Variants in TMEM232 observed in about 807,000 individuals in gnomAD.
The protein encoded by TMEM232 is transmembrane protein 232.
In TMEM232, 80 loss-of-function variants were observed where a neutral mutation model predicts 78.8. That is an observed-to-expected ratio of 1.01 (90% confidence interval 0.85 to 1.22). The LOEUF (loss-of-function observed/expected upper bound fraction) is 1.22, where lower values mean the gene tolerates loss of function less well. Among genes scored for constraint, TMEM232 ranks in the 50% most tolerant of loss-of-function variants. The pLI is 0.00. For synonymous variants in TMEM232, 297 were observed against 254.3 expected (o/e 1.17, Z -1.60); for missense variants, 881 against 742.2 (o/e 1.19, Z -2.17).
chr5:110,516,357 C>T (rs1003298675), intron 12 of TMEM232, among the ~76,000 whole-genome samples: 5 of 152,046 alleles, frequency 3.3e-5, no homozygotes, highest in African/African-American at 9.7e-5. Context: ...TTTAGAGATT[C>T]GAGGCATAAG....
chr5:110,655,025 A>C (rs182921245), intron 2 of TMEM232, among the ~76,000 whole-genome samples: 3,679 of 152,276 alleles, frequency 0.024, 46 homozygotes, highest in African/African-American at 0.032. Context: ...CACCAAAAGC[A>C]ATGGTAACAA....
chr5:110,687,606 C>T (rs913066381), intron 1 of TMEM232, among the ~76,000 whole-genome samples: 1 of 151,920 alleles, frequency 6.6e-6, no homozygotes, highest in East Asian at 1.9e-4. Context: ...TGAGTATATG[C>T]TTTATATTTA....
intron 10 of TMEM232, among the ~76,000 whole-genome samples, chr5:110,573,838 A>G (rs1777244336): frequency 1.3e-5 from 2 of 152,068 alleles, no homozygotes. Flanking sequence ...TTGAACCTAG[A>G]ATAGCTTGCT....
chr5:110,460,292 AGTGT>A (rs112235101), intron 12 of TMEM232, among the ~76,000 whole-genome samples: 15 of 149,492 alleles, frequency 1.0e-4, no homozygotes, highest in East Asian at 7.8e-4. Context: ...TGTATAAGTA[AGTGT>A]GTGTGTGTGT....
At chr5:110,720,890 TAA>T (rs575756037) in intron 1 of TMEM232, 4 of 151,972 alleles carry the variant, frequency 2.6e-5, no homozygotes, top group South Asian at 2.1e-4. Flanking sequence ...AAAATAAATA[TAA>T]GAGAAAATTA....
At chr5:110,438,731 C>T (rs1246833935) in intron 12 of TMEM232, among the ~76,000 whole-genome samples, 4 of 152,074 alleles carry the variant, frequency 2.6e-5, no homozygotes, top group Non-Finnish European at 5.9e-5. Flanking sequence ...TCCTCCCCTA[C>T]AACTCAGTTC....
At chr5:110,460,273 T>G (rs1180863315) in intron 12 of TMEM232, among the ~76,000 whole-genome samples, 2 of 151,214 alleles carry the variant, frequency 1.3e-5, no homozygotes, top group African/African-American at 4.9e-5. Context: ...TACAACAGTT[T>G]AGTAAAAATG....
In TMEM232 at chr5:110,627,831, T is replaced by A. The variant is rs763891694; in HGVS notation, c.551A>T (p.His184Leu). ...LRLFIFFLHG[H>L]LESFKQHLLR... ...TAAATGTTGTTTAAAACTTTCTAGA[T>A]GACCATGCAGGAAAAATATAAAAAG... Residue 184 changes from histidine (H) to leucine (L), a missense_variant, in exon 6 of 14, where the codon CAT becomes CTT. His to Leu is a moderately conservative substitution (Grantham distance 99). Coordinates refer to ENST00000455884, the MANE Select transcript of TMEM232 (RefSeq NM_001039763.4). 3.3e-6 allele frequency: 5 copies of A among 1,537,904 alleles called. No homozygotes were observed. Among genetic ancestry groups the A allele is most frequent in the Non-Finnish European group, 4.4e-6 (5 of 1,143,464 alleles).
chr5:110,398,838 A>G (rs1254133047), intron 2 of TMEM232, among the ~76,000 whole-genome samples: 1 of 152,150 alleles, frequency 6.6e-6, no homozygotes, highest in African/African-American at 2.4e-5. Context: ...GCAAGAATAT[A>G]AGCTATCTAC....
intron 3 of TMEM232, among the ~76,000 whole-genome samples, chr5:110,390,835 C>T (rs192138153): frequency 4.6e-5 from 7 of 152,328 alleles, no homozygotes; most frequent in Admixed American, 4.6e-4. Flanking sequence ...AAAGCCACGT[C>T]CCTGACTAAA....
intron 2 of TMEM232, among the ~76,000 whole-genome samples, chr5:110,652,405 T>C (rs1055982976): frequency 5.3e-5 from 8 of 152,128 alleles, no homozygotes; most frequent in East Asian, 1.9e-4. Flanking sequence ...AGGGAAAACA[T>C]AGTTATGTCA....
At position 110,627,839 on chromosome 5, in the gene TMEM232, C is replaced by T. The variant is rs1784615803; in HGVS notation, c.543G>A (p.Leu181=). ...LVFLRLFIFF[L]HGHLESFKQH... ...GTTTAAAACTTTCTAGATGACCATGCAGGAAAAATATAAAAAGTCGTAAGA... is the reference window on the plus strand; with the variant it reads ...GTTTAAAACTTTCTAGATGACCATGTAGGAAAAATATAAAAAGTCGTAAGA... Residue 181 remains leucine (L), a synonymous_variant, in exon 6 of 14, where the codon CTG becomes CTA. Transcript: ENST00000455884. 1.6e-5 allele frequency: 25 copies of T among 1,536,796 alleles called. No individual in the cohort carries two copies. Among genetic ancestry groups the T allele is most frequent in the Non-Finnish European group, 2.2e-5 (25 of 1,143,118 alleles).
intron 13 of TMEM232, among the ~76,000 whole-genome samples, chr5:110,422,037 C>T (rs1425032410): frequency 3.3e-5 from 5 of 152,076 alleles, no homozygotes; most frequent in African/African-American, 1.2e-4. Flanking sequence ...AAATTCATGC[C>T]ATGGTTTAGT....
chr5:110,393,337 G>C lies in TMEM232; in HGVS notation n.391-2697C>G, dbSNP rs527325224. ...ATTTTATGTATTTTGTAATTTTGCT[G>C]TTAGGTGCATAAACATTAAATTGTC... is the stretch of plus-strand genomic sequence containing the variant. On this transcript the variant is annotated intron_variant and non_coding_transcript_variant, in intron 3 of 8. Coordinates refer to the TMEM232 transcript ENST00000507188. Among the ~76,000 whole-genome samples, 66 of 152,186 alleles carry C rather than the reference G, an allele frequency of 4.3e-4. 1 individual carries two copies. In the South Asian group the frequency reaches 0.014, roughly 32 times the overall value.
intron 12 of TMEM232, among the ~76,000 whole-genome samples, chr5:110,453,280 T>C (rs1430044514): frequency 6.6e-6 from 1 of 152,142 alleles, no homozygotes; most frequent in East Asian, 1.9e-4. Context: ...TTTAAATTTC[T>C]ACCGCATACT....
chr5:110,393,245 C>T (rs1755269038), intron 3 of TMEM232, among the ~76,000 whole-genome samples: 1 of 152,122 alleles, frequency 6.6e-6, no homozygotes, highest in South Asian at 2.1e-4. Context: ...CTATCAAATG[C>T]TGAGAGAAAA....
At chr5:110,468,107 A>T (rs907640817) in intron 12 of TMEM232, among the ~76,000 whole-genome samples, 1 of 152,176 alleles carries the variant, frequency 6.6e-6, no homozygotes, top group Non-Finnish European at 1.5e-5. Context: ...TGGAAGAAAA[A>T]AAAAGATAGA....
chr5:110,488,180 C>T (rs1764670158), intron 12 of TMEM232, among the ~76,000 whole-genome samples: 1 of 151,942 alleles, frequency 6.6e-6, no homozygotes, highest in African/African-American at 2.4e-5. Context: ...TTTTGTATTG[C>T]AGTGGTGTCC....
chr5:110,656,127 T>TTGC (rs972227216), intron 2 of TMEM232, among the ~76,000 whole-genome samples: 6 of 152,126 alleles, frequency 3.9e-5, no homozygotes, highest in African/African-American at 1.4e-4. Context: ...CCTATGGCTG[T>TTGC]TGCTGACAAC....
Sources: gnomAD v4.1 joint callset for allele counts (sites outside exome capture counted in the v4.1 genomes callset) on GRCh38, gnomAD v4.1.1 for gene constraint, MANE v1.5 for transcripts, NCBI Gene and HGNC (gene_info 2026-07-23, HGNC 2026-07-21) for gene names.